ALG9: variants seen among roughly 807,000 people sequenced by gnomAD.
ALG9 encodes ALG9 alpha-1,2-mannosyltransferase.
In ALG9, 55 loss-of-function variants were observed where a neutral mutation model predicts 81.8. The ratio of observed to expected loss-of-function variants is 0.67; its 90% CI spans 0.54 to 0.84. The LOEUF (loss-of-function observed/expected upper bound fraction) is 0.84. ALG9 is among the 40% of genes least tolerant of loss of function. The pLI is 0.00. For missense variants in ALG9, 629 were observed against 745.0 expected (o/e 0.84, Z 1.81); for synonymous variants, 278 against 274.3 (o/e 1.01, Z -0.13).
At chr11:111,869,221 C>A (rs189181492) in intron 2 of ALG9, among the ~76,000 whole-genome samples, 9 of 152,314 alleles carry the variant, frequency 5.9e-5, no homozygotes, top group Non-Finnish European at 8.8e-5. Flanking sequence ...TTACCTTCTA[C>A]TTATTTTTTC....
Position 111,784,869 on chromosome 11 carries a change from T to A in ALG9, c.*1528A>T, listed in dbSNP as rs1946307347. The A allele has an allele frequency of 6.6e-6, 1 of 152,280 alleles. No individual in the cohort carries two copies. The allele number at this position is 152,280 out of a possible 1,614,324, so 9.4% of individuals were successfully genotyped here. A position where few individuals can be genotyped will look rare whatever the true frequency, so the allele number is the denominator to read the frequency against. ...ATAGTACTGATATTTGGATCCTGTGTGGCTGCAAAAGAACATGACTTCCAA... is the reference window on the plus strand; with the variant it reads ...ATAGTACTGATATTTGGATCCTGTGAGGCTGCAAAAGAACATGACTTCCAA... On this transcript the variant is annotated 3_prime_UTR_variant, in exon 15 of 15. Transcript: ENST00000616540.
chr11:111,810,038 C>G (rs190403697), intron 13 of ALG9, among the ~76,000 whole-genome samples: 1 of 152,120 alleles, frequency 6.6e-6, no homozygotes, highest in Admixed American at 6.5e-5. Context: ...ATAAACACTT[C>G]CAAAGCCACC....
chr11:111,811,000 G>C (rs1179427700), intron 13 of ALG9, among the ~76,000 whole-genome samples: 2 of 152,100 alleles, frequency 1.3e-5, no homozygotes, highest in East Asian at 3.9e-4. Context: ...ACACAGGGCA[G>C]AAGAAACAGA....
At chr11:111,865,321 A>C in intron 3 of ALG9, 70 bp from the exon 4 acceptor site, 1 of 1,167,010 alleles carries the variant, frequency 8.6e-7, no homozygotes, top group Non-Finnish European at 1.2e-6. Flanking sequence ...AACATGAACC[A>C]CTCTCATTTA....
At position 111,839,414 on chromosome 11, in the gene ALG9, G is replaced by A. The variant is rs189676357; in HGVS notation, c.1174-1015C>T. Among the ~76,000 whole-genome samples the A allele has an allele frequency of 9.3e-4, 142 of 152,024 alleles. 1 individual carries two copies. The highest frequency in any genetic ancestry group is 1.5e-3 in the Non-Finnish European group (102 of 67,960). ...TCCTGGCTAACACAGTGAAAACCCCGTCTCTACTAAAAATACAAAAATTAG... is the reference window on the plus strand; with the variant it reads ...TCCTGGCTAACACAGTGAAAACCCCATCTCTACTAAAAATACAAAAATTAG... On this transcript the variant is annotated intron_variant, in intron 10 of 14. Transcript: ENST00000616540.
Position 111,785,610 on chromosome 11 carries a change from A to G in ALG9, c.*787T>C, listed in dbSNP as rs1284239639. 1.2e-5 allele frequency: 2 copies of G among 164,490 alleles called. No homozygotes were observed. Among genetic ancestry groups the G allele is most frequent in the East Asian group, 1.7e-4 (1 of 5,738 alleles). 10.2% of individuals were successfully genotyped at this position (164,490 alleles called of 1,614,324 possible). On this transcript the variant is annotated 3_prime_UTR_variant, in exon 15 of 15. Transcript: ENST00000616540. ...ATAGAATTTTCTCCAAATATGTCCTATACAGTTGTAGTTTTGTCTGTTGAT... is the reference window on the plus strand; with the variant it reads ...ATAGAATTTTCTCCAAATATGTCCTGTACAGTTGTAGTTTTGTCTGTTGAT...
rs1055679011 is a variant in ALG9, at chr11:111,786,031, A to T, written c.*366T>A. The T allele has an allele frequency of 1.3e-5, 6 of 457,942 alleles. No homozygotes were observed. In the Middle Eastern group the frequency reaches 1.3e-3, roughly 99 times the overall value. The allele number at this position is 457,942 out of a possible 1,614,324, so 28.4% of individuals were successfully genotyped here. ...CAGGCCAGAGTGTGGAGAACAGCTT[A>T]TCACAGCCATCCAGTACCAGGATTT... On this transcript the variant is annotated 3_prime_UTR_variant, in exon 15 of 15. Coordinates refer to ENST00000616540, the MANE Select transcript of ALG9 (RefSeq NM_024740.2).
intron 13 of ALG9, among the ~76,000 whole-genome samples, chr11:111,818,058 C>T (rs1951785990): frequency 6.6e-6 from 1 of 152,002 alleles, no homozygotes; most frequent in African/African-American, 2.4e-5. Context: ...GGATTTCAGG[C>T]GTGAGCCACC....
At chr11:111,838,164 A>G (rs971285696) in intron 11 of ALG9, 85 bp downstream of exon 11, 2 of 1,545,324 alleles carry the variant, frequency 1.3e-6, no homozygotes, top group Admixed American at 3.5e-5. Flanking sequence ...TATAAGCCAA[A>G]TATGTATTAT....
downstream of ALG9, among the ~76,000 whole-genome samples, chr11:111,781,085 G>A (rs782520152): frequency 4.6e-5 from 7 of 152,224 alleles, no homozygotes; most frequent in South Asian, 2.1e-4. Flanking sequence ...TTCTAGACAA[G>A]GGAAAATAAA....
chr11:111,773,182 T>C, the ALG9 span, among the ~76,000 whole-genome samples: 1 of 152,096 alleles, frequency 6.6e-6, no homozygotes, highest in East Asian at 1.9e-4. Flanking sequence ...GTTCAAGGTG[T>C]ACAGGCCCCA....
intron 10 of ALG9, among the ~76,000 whole-genome samples, chr11:111,839,907 C>A (rs1955953516): frequency 6.6e-6 from 1 of 151,970 alleles, no homozygotes; most frequent in Admixed American, 6.5e-5. Flanking sequence ...TCTATAAGAA[C>A]AGAAAGTAGA....
At chr11:111,837,444 C>G in intron 12 of ALG9, 24 bp downstream of exon 12, 2 of 1,613,408 alleles carry the variant, frequency 1.2e-6, no homozygotes, top group Non-Finnish European at 1.7e-6. Context: ...CATTTAAAAC[C>G]CTAGGAATTA....
intron 8 of ALG9, among the ~76,000 whole-genome samples, chr11:111,850,347 C>T (rs1957571540): frequency 6.6e-6 from 1 of 152,070 alleles, no homozygotes; most frequent in South Asian, 2.1e-4. Flanking sequence ...AATTCCTACT[C>T]CTAAGATGGA....
downstream of ALG9, among the ~76,000 whole-genome samples, chr11:111,781,329 T>A (rs782209640): frequency 3.3e-5 from 5 of 152,146 alleles, no homozygotes; most frequent in South Asian, 2.1e-4. Context: ...TCCAGCTGGG[T>A]GCAGTGGTGC....
chr11:111,815,366 G>A (rs1951326210), intron 13 of ALG9, among the ~76,000 whole-genome samples: 1 of 152,042 alleles, frequency 6.6e-6, no homozygotes, highest in South Asian at 2.1e-4. Context: ...TTGTGCCGCT[G>A]CACTCCAGCC....
downstream of ALG9, among the ~76,000 whole-genome samples, chr11:111,779,245 A>G (rs573276115): frequency 1.5e-4 from 23 of 152,218 alleles, no homozygotes; most frequent in African/African-American, 5.1e-4. Context: ...AATCAACCAA[A>G]AACGCACGCC....
intron 6 of ALG9, among the ~76,000 whole-genome samples, chr11:111,857,124 T>C (rs1342362166): frequency 6.6e-6 from 1 of 151,208 alleles, no homozygotes; most frequent in Non-Finnish European, 1.5e-5. Flanking sequence ...AATAAATAAA[T>C]AAAAATAAAG....
chr11:111,775,285 G>C, the ALG9 span, among the ~76,000 whole-genome samples: 1 of 152,172 alleles, frequency 6.6e-6, no homozygotes, highest in African/African-American at 2.4e-5. Flanking sequence ...TTCCTTTTCT[G>C]ATCTACTCAG....
Sources: gnomAD v4.1 joint callset for allele counts (sites outside exome capture counted in the v4.1 genomes callset) on GRCh38, gnomAD v4.1.1 for gene constraint, MANE v1.5 for transcripts, NCBI Gene and HGNC (gene_info 2026-07-23, HGNC 2026-07-21) for gene names.